Variants in FGF12 observed in about 807,000 individuals in gnomAD.
FGF12 encodes the protein fibroblast growth factor 12B.
FGF12 carries 14 observed loss-of-function variants against 23.6 expected under a neutral mutation model. The observed-to-expected ratio is 0.59, with a 90% CI of 0.39 to 0.93. The LOEUF is 0.93. Ranked by LOEUF, FGF12 falls within the 40% of genes least tolerant of loss-of-function variation. FGF12 has a pLI of 0.00. For missense variants in FGF12, 175 were observed against 217.8 expected, an observed-to-expected ratio of 0.80 and a Z score of 1.24; for synonymous variants, 62 against 77.3, an observed-to-expected ratio of 0.80 and a Z score of 1.04.
intron 2 of FGF12, among the ~76,000 whole-genome samples, chr3:192,630,725 T>A (rs1715358197): frequency 6.6e-6 from 1 of 151,346 alleles, no homozygotes; most frequent in Non-Finnish European, 1.5e-5. Flanking sequence ...GCTAATTTTT[T>A]TTTTTTGTAT....
intron 2 of FGF12, among the ~76,000 whole-genome samples, chr3:192,593,854 GA>G (rs1052094718): frequency 4.0e-5 from 6 of 151,498 alleles, no homozygotes; most frequent in Admixed American, 1.3e-4. Context: ...GAAAAACCAG[GA>G]AAAAAAATTC....
rs1714687616 is a variant in FGF12, at chr3:192,614,821, A to AC, written c.13+112359_13+112360insG. Reference sequence around the variant, plus strand: ...CCTGGACTTTCCTGGTTAAGAAAAAAATCCCATCTACCGCAATCTCTAGAC... The same window carrying AC: ...CCTGGACTTTCCTGGTTAAGAAAAAACATCCCATCTACCGCAATCTCTAGAC... On this transcript the variant is annotated intron_variant, in intron 2 of 5. Coordinates refer to ENST00000445105, the MANE Select transcript of FGF12 (RefSeq NM_004113.6). Among the ~76,000 whole-genome samples the AC allele has an allele frequency of 3.9e-5, 6 of 152,088 alleles. No individual in the cohort carries two copies. The South Asian group carries it at 1.2e-3, about 32-fold the overall frequency.
chr3:192,506,172 G>A (rs1489744836), intron 2 of FGF12, among the ~76,000 whole-genome samples: 1 of 152,214 alleles, frequency 6.6e-6, no homozygotes, highest in African/African-American at 2.4e-5. Flanking sequence ...GAAAGTTACT[G>A]ATATCAATCT....
chr3:192,444,043 T>C (rs1009941832), intron 2 of FGF12, among the ~76,000 whole-genome samples: 1 of 152,170 alleles, frequency 6.6e-6, no homozygotes, highest in Non-Finnish European at 1.5e-5. Context: ...TATAGTGCCA[T>C]AATAAAGTAA....
chr3:192,437,972 C>T (rs182012466), intron 2 of FGF12, among the ~76,000 whole-genome samples: 65 of 152,278 alleles, frequency 4.3e-4, no homozygotes, highest in African/African-American at 1.5e-3. Flanking sequence ...GCAGTCATAT[C>T]CCCTCAACTG....
chr3:192,463,033 A>C (rs905796631), intron 2 of FGF12, among the ~76,000 whole-genome samples: 4 of 152,178 alleles, frequency 2.6e-5, no homozygotes, highest in African/African-American at 9.7e-5. Flanking sequence ...AGTTATAATA[A>C]ATCCCCAGGT....
At position 192,542,617 on chromosome 3, in the gene FGF12, C is replaced by CT. The variant is rs936776806; in HGVS notation, c.14-182080dup. ...GGGTATTTATTGTAGTCTTCACAGT[C>CT]TTTTTTTTTTCCACCTGTCCTTCTT... On this transcript the variant is annotated intron_variant, in intron 2 of 5. Transcript: ENST00000445105. 1.6e-3 allele frequency among the ~76,000 whole-genome samples: 241 copies of CT among 149,602 alleles called. 1 individual carries two copies. Among genetic ancestry groups the CT allele is most frequent in the African/African-American group, 5.4e-3 (222 of 40,830 alleles).
At chr3:192,234,656 T>C (rs1367475104) in intron 4 of FGF12, among the ~76,000 whole-genome samples, 1 of 152,194 alleles carries the variant, frequency 6.6e-6, no homozygotes, top group Non-Finnish European at 1.5e-5. Flanking sequence ...CCCTCCAGTA[T>C]GATGCTGGCC....
At chr3:192,582,708 T>A (rs940367750) in intron 2 of FGF12, among the ~76,000 whole-genome samples, 1 of 151,886 alleles carries the variant, frequency 6.6e-6, no homozygotes, top group South Asian at 2.1e-4. Context: ...AAAATCCTTA[T>A]CTTACTGTCA....
At chr3:192,176,916 A>G (rs77677129) in intron 4 of FGF12, among the ~76,000 whole-genome samples, 6,626 of 152,272 alleles carry the variant, frequency 0.044, 192 homozygotes, top group Admixed American at 0.059. Flanking sequence ...CTTATTTTCT[A>G]TTCCACACCG....
chr3:192,644,512 TG>T (rs1397602131), intron 2 of FGF12, among the ~76,000 whole-genome samples: 1 of 152,210 alleles, frequency 6.6e-6, no homozygotes, highest in African/African-American at 2.4e-5. Context: ...GTTGAATCAT[TG>T]ATTCAACAAA....
intron 4 of FGF12, among the ~76,000 whole-genome samples, chr3:192,191,641 C>G (rs1229990767): frequency 1.3e-5 from 2 of 152,094 alleles, no homozygotes; most frequent in Non-Finnish European, 2.9e-5. Flanking sequence ...GGAGACCATC[C>G]TGGCCAACAT....
intron 2 of FGF12, among the ~76,000 whole-genome samples, chr3:192,454,706 A>G (rs1576992287): frequency 1.3e-5 from 2 of 152,310 alleles, no homozygotes; most frequent in African/African-American, 4.8e-5. Flanking sequence ...AGAAAATGAC[A>G]AAGGACACAA....
intron 4 of FGF12, among the ~76,000 whole-genome samples, chr3:192,279,231 T>TATATAC (rs1491351355): frequency 5.7e-5 from 2 of 34,844 alleles, no homozygotes; most frequent in African/African-American, 6.8e-4. Flanking sequence ...AATGTATGAG[T>TATATAC]ATATATATAT....
At chr3:192,656,381 G>A (rs950696673) in intron 2 of FGF12, among the ~76,000 whole-genome samples, 1 of 151,792 alleles carries the variant, frequency 6.6e-6, no homozygotes, top group Non-Finnish European at 1.5e-5. Flanking sequence ...CAAAAGGAAT[G>A]AGAATTTAAA....
At position 192,336,028 on chromosome 3, in the gene FGF12, T is replaced by C. The variant is rs1300079123; in HGVS notation, c.125-564A>G. ...GATATCTCAATTTTTTACATGTAAATAAACAGAGATAAACAGATGGACAGA... is the reference window on the plus strand; with the variant it reads ...GATATCTCAATTTTTTACATGTAAACAAACAGAGATAAACAGATGGACAGA... On this transcript the variant is annotated intron_variant, in intron 3 of 5. Coordinates refer to ENST00000445105, the MANE Select transcript of FGF12 (RefSeq NM_004113.6). The surrounding 1 kb of genome is among the most constrained non-coding windows in gnomAD (Gnocchi z 4.3). 6.6e-6 allele frequency among the ~76,000 whole-genome samples: 1 copy of C among 151,534 alleles called. No individual in the cohort carries two copies.
chr3:192,699,527 G>A (rs912144199), intron 2 of FGF12, among the ~76,000 whole-genome samples: 1 of 152,064 alleles, frequency 6.6e-6, no homozygotes, highest in Admixed American at 6.6e-5. Flanking sequence ...TCTAGGACAC[G>A]TTACAAATAT....
At chr3:192,206,957 G>A (rs1409636291) in intron 4 of FGF12, among the ~76,000 whole-genome samples, 1 of 152,122 alleles carries the variant, frequency 6.6e-6, no homozygotes, top group African/African-American at 2.4e-5. Flanking sequence ...TTAGAGTTAG[G>A]CAGAACATAA....
At chr3:192,240,088 T>C (rs1161759557) in intron 4 of FGF12, among the ~76,000 whole-genome samples, 1 of 152,230 alleles carries the variant, frequency 6.6e-6, no homozygotes, top group Non-Finnish European at 1.5e-5. Flanking sequence ...TTCATAGATG[T>C]TGTGCATGTT....
Sources: allele counts gnomAD v4.1 joint callset (sites outside exome capture counted in the v4.1 genomes callset), GRCh38; gene constraint gnomAD v4.1.1; non-coding constraint Gnocchi (gnomAD v3.1); transcripts MANE v1.5; gene names NCBI Gene and HGNC (gene_info 2026-07-23, HGNC 2026-07-21).